C14orf39: variants seen among roughly 807,000 people sequenced by gnomAD.
C14orf39 encodes protein SIX6OS1.
In C14orf39, 66 loss-of-function variants were observed where a neutral mutation model predicts 85.6. The ratio of observed to expected loss-of-function variants is 0.77; its 90% CI spans 0.63 to 0.95. C14orf39 has a LOEUF of 0.95. Ranked by LOEUF, C14orf39 falls within the 40% of genes least tolerant of loss-of-function variation. C14orf39 has a pLI of 0.00. For synonymous variants in C14orf39, 242 were observed against 214.0 expected, an observed-to-expected ratio of 1.13 and a Z score of -1.14; for missense variants, 735 against 663.9, an observed-to-expected ratio of 1.11 and a Z score of -1.18.
intron 5 of C14orf39, among the ~76,000 whole-genome samples, chr14:60,472,403 T>C (rs1892133350): frequency 6.6e-6 from 1 of 152,102 alleles, no homozygotes; most frequent in Admixed American, 6.6e-5. Flanking sequence ...TTAACCTTTT[T>C]TTCTTTTTTA....
chr14:60,469,532 C>T lies in C14orf39; in HGVS notation c.675+1G>A, dbSNP rs1359879741. 1.5e-6 allele frequency: 2 copies of T among 1,303,140 alleles called. No homozygotes were observed. The highest frequency in any genetic ancestry group is 1.6e-5 in the South Asian group (1 of 63,750). 80.7% of individuals were successfully genotyped at this position (1,303,140 alleles called of 1,614,324 possible). A position where few individuals can be genotyped will look rare whatever the true frequency, so the allele number is the denominator to read the frequency against. ...TTAGAAATATATAACAAAATATATA[C>T]CTGGTTTAAATAATTAATTTCTATT... On this transcript the variant is annotated splice_donor_variant, in intron 8 of 17. Transcript: ENST00000321731. LOFTEE classifies it high-confidence loss of function.
At chr14:60,450,286 G>A (rs1438656490) in intron 16 of C14orf39, among the ~76,000 whole-genome samples, 1 of 152,162 alleles carries the variant, frequency 6.6e-6, no homozygotes, top group Non-Finnish European at 1.5e-5. Flanking sequence ...GGCCAGAGGG[G>A]AGCCCACTAC....
At chr14:60,445,406 G>C (rs912688971) in intron 16 of C14orf39, among the ~76,000 whole-genome samples, 2 of 152,074 alleles carry the variant, frequency 1.3e-5, no homozygotes, top group African/African-American at 4.8e-5. Context: ...AAAACCAGGA[G>C]TTGCAATCCT....
rs531110837 is a variant in C14orf39 at position 60,509,225 on chromosome 14, C to G, written c.-144+6170G>C. On this transcript the variant is annotated intron_variant, in intron 1 of 5. Transcript: ENST00000556799. ...CCAAGCCGCGGAGCCAGCACCTCCT[C>G]CAGTCGGGGTCGTCCGCTCCCGGCC... is the stretch of plus-strand genomic sequence containing the variant. 263 of 630,668 alleles carry G rather than the reference C, an allele frequency of 4.2e-4. No homozygotes were observed. Among genetic ancestry groups the G allele is most frequent in the Non-Finnish European group, 3.8e-4 (134 of 355,610 alleles). The allele number at this position is 630,668 out of a possible 1,614,324, so 39.1% of individuals were successfully genotyped here. A position where few individuals can be genotyped will look rare whatever the true frequency, so the allele number is the denominator to read the frequency against.
intron 17 of C14orf39, among the ~76,000 whole-genome samples, chr14:60,439,560 G>A (rs1323208591): frequency 6.6e-6 from 1 of 152,122 alleles, no homozygotes; most frequent in African/African-American, 2.4e-5. Context: ...CAGAATAATG[G>A]AGATACCATC....
chr14:60,463,674 C>T (rs1039644880), intron 11 of C14orf39, among the ~76,000 whole-genome samples: 1 of 152,058 alleles, frequency 6.6e-6, no homozygotes, highest in Non-Finnish European at 1.5e-5. Context: ...CTTTATCTTG[C>T]TAGTTTTTTG....
Position 60,436,871 on chromosome 14 carries a change from T to A in C14orf39, c.1738A>T (p.Asn580Tyr), listed in dbSNP as rs1473259610. ...CAAAAAAAAGTAAACTGTGTTGTAT[T>A]TTGTGAGGAAGATGAAAAACCTTTT... ...SLKGFSSSSQ[N>Y]TTQFTFF Residue 580 changes from asparagine (N) to tyrosine (Y), a missense_variant, in exon 18 of 18, where the codon AAT becomes TAT. Transcript: ENST00000321731. The A allele has an allele frequency of 2.7e-5, 44 of 1,611,216 alleles. No individual in the cohort carries two copies. The highest frequency in any genetic ancestry group is 3.7e-5 in the Non-Finnish European group (43 of 1,178,044).
intron 1 of C14orf39, among the ~76,000 whole-genome samples, chr14:60,500,479 T>C (rs1026319494): frequency 3.3e-5 from 5 of 152,178 alleles, no homozygotes; most frequent in Non-Finnish European, 7.4e-5. Context: ...AACTGGACAA[T>C]ACATAAACAT....
intron 2 of C14orf39, chr14:60,495,693 T>C (rs904319942): frequency 2.7e-5 from 5 of 188,546 alleles, no homozygotes; most frequent in Non-Finnish European, 5.5e-5. Context: ...ACAGAAAACA[T>C]GAAGGGTTTC....
intron 5 of C14orf39, among the ~76,000 whole-genome samples, chr14:60,476,540 T>C (rs550527198): frequency 2.6e-5 from 4 of 152,346 alleles, no homozygotes; most frequent in East Asian, 1.9e-4. Flanking sequence ...AATTAAGCTA[T>C]GTAGCTGGTT....
chr14:60,499,809 T>G (rs1014119963), intron 1 of C14orf39, among the ~76,000 whole-genome samples: 1 of 152,198 alleles, frequency 6.6e-6, no homozygotes, highest in Admixed American at 6.5e-5. Context: ...ATATTTGAAG[T>G]GACCTTACAT....
intron 1 of C14orf39, among the ~76,000 whole-genome samples, chr14:60,504,362 C>T: frequency 6.6e-6 from 1 of 152,142 alleles, no homozygotes; most frequent in Non-Finnish European, 1.5e-5. Flanking sequence ...CAATGTATGA[C>T]ACATACAGTT....
chr14:60,504,161 G>A (rs1171826498), intron 1 of C14orf39, among the ~76,000 whole-genome samples: 1 of 152,210 alleles, frequency 6.6e-6, no homozygotes, highest in Non-Finnish European at 1.5e-5. Flanking sequence ...GTTGAGAATT[G>A]CTGCTTTGAA....
chr14:60,502,400 T>C (rs2140182569), intron 1 of C14orf39, among the ~76,000 whole-genome samples: 1 of 151,198 alleles, frequency 6.6e-6, no homozygotes, highest in East Asian at 1.9e-4. Context: ...GATAAAAAGG[T>C]AAAGAAACAG....
chr14:60,511,038 C>A (rs748048100), intron 1 of C14orf39: 84 of 1,592,280 alleles, frequency 5.3e-5, no homozygotes, highest in Admixed American at 2.9e-4. Context: ...GGGCGACGGG[C>A]GGCTGTGTTA....
intron 14 of C14orf39, among the ~76,000 whole-genome samples, 174 bp downstream of exon 14, chr14:60,458,504 T>G (rs532424818): frequency 1.3e-5 from 2 of 152,052 alleles, no homozygotes; most frequent in Non-Finnish European, 2.9e-5. Flanking sequence ...CATATAAAAT[T>G]TTTGTGGCTT....
At chr14:60,482,227 A>C (rs1279158030) in intron 4 of C14orf39, among the ~76,000 whole-genome samples, 1 of 152,232 alleles carries the variant, frequency 6.6e-6, no homozygotes, top group African/African-American at 2.4e-5. Context: ...GGAAACTATT[A>C]GTACTTTTCC....
chr14:60,502,687 T>C (rs995397934), intron 1 of C14orf39, among the ~76,000 whole-genome samples: 5 of 152,250 alleles, frequency 3.3e-5, no homozygotes, highest in Admixed American at 3.3e-4. Flanking sequence ...TTAATTTTTT[T>C]CTAAATCTAC....
intron 14 of C14orf39, 99 bp downstream of exon 14, chr14:60,458,579 T>A: frequency 1.3e-6 from 1 of 778,160 alleles, no homozygotes; most frequent in Non-Finnish European, 2.0e-6. Context: ...GCTAACAACA[T>A]CTCACATAAA....
Sources: gnomAD v4.1 joint callset for allele counts (sites outside exome capture counted in the v4.1 genomes callset) on GRCh38, gnomAD v4.1.1 for gene constraint, MANE v1.5 for transcripts, NCBI Gene and HGNC (gene_info 2026-07-23, HGNC 2026-07-21) for gene names.